NDST3: variants seen among roughly 807,000 people sequenced by gnomAD.
NDST3 encodes N-deacetylase and N-sulfotransferase 3.
In NDST3, 58 loss-of-function variants were observed where a neutral mutation model predicts 96.1. The observed-to-expected ratio is 0.60, with a 90% CI of 0.49 to 0.75. NDST3 has a LOEUF of 0.75. NDST3 is among the 30% of genes least tolerant of loss of function. NDST3 has a pLI of 0.00. For missense variants in NDST3, 788 were observed against 1,034.2 expected (o/e 0.76, Z 3.27); for synonymous variants, 333 against 359.7 (o/e 0.93, Z 0.84).
chr4:118,182,336 T>C (rs2125952559), intron 6 of NDST3, among the ~76,000 whole-genome samples: 1 of 152,254 alleles, frequency 6.6e-6, no homozygotes. Context: ...AATTCAAACA[T>C]TTTTCGTATA....
chr4:118,069,305 A>C (rs1369909105), intron 2 of NDST3, among the ~76,000 whole-genome samples: 2 of 152,096 alleles, frequency 1.3e-5, no homozygotes, highest in Non-Finnish European at 2.9e-5. Flanking sequence ...GAAATAGCAA[A>C]TAAATTACAA....
At chr4:118,182,764 A>G (rs534171960) in intron 6 of NDST3, among the ~76,000 whole-genome samples, 19 of 152,308 alleles carry the variant, frequency 1.2e-4, no homozygotes, top group African/African-American at 4.6e-4. Flanking sequence ...GATATAAGAC[A>G]AAAGGAGAAT....
In NDST3 at chr4:118,188,047, T is replaced by A. The variant is rs377271314; in HGVS notation, c.1540-36444T>A. On this transcript the variant is annotated intron_variant, in intron 6 of 13. Coordinates refer to ENST00000296499, the MANE Select transcript of NDST3 (RefSeq NM_004784.3). ...AATACACTTTGGCCTAATGAGCTAC[T>A]GTTACAACATCAGCCCTCTTGCCTA... Among the ~76,000 whole-genome samples the A allele has an allele frequency of 7.9e-5, 12 of 152,232 alleles. No individual in the cohort carries two copies. The East Asian group carries it at 2.3e-3, about 29-fold the overall frequency.
chr4:118,109,627 A>G (rs1218844991), intron 3 of NDST3, among the ~76,000 whole-genome samples: 4 of 152,196 alleles, frequency 2.6e-5, no homozygotes, highest in Non-Finnish European at 5.9e-5. Flanking sequence ...AGTTTCCACA[A>G]AACTTAGCCA....
chr4:118,146,709 T>A (rs188008397), intron 6 of NDST3, among the ~76,000 whole-genome samples: 3 of 152,212 alleles, frequency 2.0e-5, no homozygotes, highest in Non-Finnish European at 4.4e-5. Flanking sequence ...AGAGAAAACT[T>A]TGGTCATCTC....
intron 6 of NDST3, among the ~76,000 whole-genome samples, chr4:118,214,032 AG>A (rs773427687): frequency 6.6e-6 from 1 of 152,332 alleles, no homozygotes; most frequent in Non-Finnish European, 1.5e-5. Context: ...ACGTATAACA[AG>A]TCAAAACAAC....
At chr4:118,046,342 T>C (rs903613140) in intron 1 of NDST3, among the ~76,000 whole-genome samples, 17 of 152,194 alleles carry the variant, frequency 1.1e-4, no homozygotes, top group African/African-American at 3.9e-4. Flanking sequence ...AACAGGAGCC[T>C]TTGTACATGG....
At chr4:118,218,369 G>T (rs999601722) in intron 6 of NDST3, among the ~76,000 whole-genome samples, 1 of 152,096 alleles carries the variant, frequency 6.6e-6, no homozygotes, top group Admixed American at 6.6e-5. Context: ...TCATCCCTGG[G>T]ATTCAAGGCT....
intron 3 of NDST3, among the ~76,000 whole-genome samples, chr4:118,108,945 T>C (rs1273640303): frequency 1.3e-5 from 2 of 152,220 alleles, no homozygotes; most frequent in African/African-American, 4.8e-5. Flanking sequence ...TTGAGTTGGT[T>C]CTTATTGTAA....
chr4:118,038,123 G>T (rs1034921526), intron 1 of NDST3, among the ~76,000 whole-genome samples: 1 of 152,086 alleles, frequency 6.6e-6, no homozygotes, highest in South Asian at 2.1e-4. Context: ...AAAAGGTTTG[G>T]ATTAGACCCT....
intron 3 of NDST3, among the ~76,000 whole-genome samples, chr4:118,111,200 C>T (rs960059382): frequency 6.6e-6 from 1 of 152,150 alleles, no homozygotes; most frequent in African/African-American, 2.4e-5. Flanking sequence ...GGTTGAAAAA[C>T]TACCTGTTGT....
At chr4:118,070,661 T>G (rs972686619) in intron 2 of NDST3, among the ~76,000 whole-genome samples, 5 of 148,572 alleles carry the variant, frequency 3.4e-5, no homozygotes, top group South Asian at 2.1e-4. Context: ...TTTTTTTTTT[T>G]GTACACTTTA....
rs1737482235 is a variant in NDST3 at position 118,193,840 on chromosome 4, T to G, written c.1540-30651T>G. ...GGTAAGAGGCCAGTTGAAGGGCCTG[T>G]GCCTTCTGTGTTTCCTCATTGGAAA... On this transcript the variant is annotated intron_variant, in intron 6 of 13. Coordinates refer to ENST00000296499, the MANE Select transcript of NDST3 (RefSeq NM_004784.3). 3 of 1,312,024 alleles carry G rather than the reference T, an allele frequency of 2.3e-6. No individual in the cohort carries two copies. In the East Asian group the frequency reaches 6.9e-5, roughly 30 times the overall value. 81.3% of individuals were successfully genotyped at this position (1,312,024 alleles called of 1,614,324 possible).
chr4:118,156,695 T>C (rs1734734581), intron 6 of NDST3, among the ~76,000 whole-genome samples: 1 of 152,218 alleles, frequency 6.6e-6, no homozygotes, highest in Admixed American at 6.5e-5. Context: ...TATGAGAATA[T>C]GCTCAGTTTC....
intron 6 of NDST3, among the ~76,000 whole-genome samples, chr4:118,221,992 TAAA>T (rs200927146): frequency 7.0e-6 from 1 of 141,970 alleles, no homozygotes. Flanking sequence ...ATTTTCCATC[TAAA>T]AAAAAAAAAA....
chr4:118,042,774 C>T (rs112995122), intron 1 of NDST3, among the ~76,000 whole-genome samples: 146 of 152,312 alleles, frequency 9.6e-4, no homozygotes, highest in Non-Finnish European at 1.7e-3. Context: ...TGTCCCCATC[C>T]TCATATCCAA....
chr4:118,068,161 GAT>G (rs1726752839), intron 2 of NDST3, among the ~76,000 whole-genome samples: 36 of 128,888 alleles, frequency 2.8e-4, no homozygotes, highest in Non-Finnish European at 5.5e-4. Context: ...GCTTATACTT[GAT>G]CTCTTTTTTT....
intron 2 of NDST3, among the ~76,000 whole-genome samples, chr4:118,070,180 T>A (rs777201273): frequency 1.3e-5 from 2 of 152,116 alleles, no homozygotes; most frequent in Non-Finnish European, 2.9e-5. Context: ...ATTAGACAAT[T>A]AGATTTAATC....
intron 2 of NDST3, among the ~76,000 whole-genome samples, chr4:118,080,662 G>A (rs1224239235): frequency 6.6e-6 from 1 of 152,052 alleles, no homozygotes; most frequent in East Asian, 1.9e-4. Flanking sequence ...TCATGGTGAT[G>A]TTATGTGCCA....
Sources: gnomAD v4.1 joint callset for allele counts (sites outside exome capture counted in the v4.1 genomes callset) on GRCh38, gnomAD v4.1.1 for gene constraint, MANE v1.5 for transcripts, NCBI Gene and HGNC (gene_info 2026-07-23, HGNC 2026-07-21) for gene names.